RRAGC: variants seen among roughly 807,000 people sequenced by gnomAD.
The protein encoded by RRAGC is Ras related GTP binding C, also known as ras-related GTP-binding protein C.
RRAGC carries 8 observed loss-of-function variants against 37.1 expected under a neutral mutation model. That is an observed-to-expected ratio of 0.22 (90% CI 0.13 to 0.39). The LOEUF (loss-of-function observed/expected upper bound fraction) is 0.39, where lower values mean the gene tolerates loss of function less well. Among genes scored for constraint, RRAGC ranks in the 10% least tolerant of loss-of-function variants. RRAGC has a pLI of 1.00. For missense variants in RRAGC, 342 were observed against 497.6 expected (o/e 0.69, Z 2.98); for synonymous variants, 190 against 181.1 (o/e 1.05, Z -0.39).
intron 5 of RRAGC, 104 bp from the exon 6 acceptor site, chr1:38,846,191 A>G: frequency 1.1e-6 from 1 of 893,940 alleles, no homozygotes; most frequent in Middle Eastern, 2.2e-4. Flanking sequence ...TGTCTCTGGG[A>G]AAGAATACTG....
chr1:38,859,726 G>T lies in RRAGC; in HGVS notation c.-80C>A, dbSNP rs889087671. 8.0e-5 allele frequency: 91 copies of T among 1,136,114 alleles called. No homozygotes were observed. Among genetic ancestry groups the T allele is most frequent in the Admixed American group, 5.3e-4 (12 of 22,642 alleles). 70.4% of individuals were successfully genotyped at this position (1,136,114 alleles called of 1,614,324 possible). A position where few individuals can be genotyped will look rare whatever the true frequency, so the allele number is the denominator to read the frequency against. On this transcript the variant is annotated 5_prime_UTR_variant, in exon 1 of 7. Transcript: ENST00000373001. ...GCCGCCGCCTCCCCAGTCCGCCTCC[G>T]CCGCCGCCGCCACCACCGCCACCGC...
rs983372405 is a variant in RRAGC at position 38,859,710 on chromosome 1, T to G, written c.-64A>C. 5 of 1,242,456 alleles carry G rather than the reference T, an allele frequency of 4.0e-6. No individual in the cohort carries two copies. Among genetic ancestry groups the G allele is most frequent in the Non-Finnish European group, 5.1e-6 (5 of 986,926 alleles). 77.0% of individuals were successfully genotyped at this position (1,242,456 alleles called of 1,614,324 possible). Reference sequence around the variant, plus strand: ...GGCCAGGCCGAGCCAGGCCGCCGCCTCCCCAGTCCGCCTCCGCCGCCGCCG... The same window carrying G: ...GGCCAGGCCGAGCCAGGCCGCCGCCGCCCCAGTCCGCCTCCGCCGCCGCCG... On this transcript the variant is annotated 5_prime_UTR_variant, in exon 1 of 7. Transcript: ENST00000373001.
chr1:38,839,516 AG>A lies in RRAGC; in HGVS notation c.*36del, dbSNP rs1267589673. On this transcript the variant is annotated 3_prime_UTR_variant, in exon 7 of 7. Transcript: ENST00000373001. ...CGTGGCATCCGACCCTGGAGTGAAG[AG>A]TAAGCTGGCACAGAGCCCCGACGCT... is the stretch of plus-strand genomic sequence containing the variant. 1.2e-6 allele frequency: 2 copies of A among 1,611,226 alleles called. No individual in the cohort carries two copies. Among genetic ancestry groups the A allele is most frequent in the African/African-American group, 2.7e-5 (2 of 74,818 alleles).
intron 1 of RRAGC, among the ~76,000 whole-genome samples, chr1:38,858,885 C>T (rs1642199190): frequency 6.6e-6 from 1 of 152,256 alleles, no homozygotes; most frequent in African/African-American, 2.4e-5. Flanking sequence ...TGGGTGCAAT[C>T]TCACTACCCA....
At position 38,857,047 on chromosome 1, in the gene RRAGC, G is replaced by C; in HGVS notation, c.273C>G (p.Leu91=). 6.2e-7 allele frequency: 1 copy of C among 1,614,010 alleles called. No individual in the cohort carries two copies. The highest frequency in any genetic ancestry group is 8.5e-7 in the Non-Finnish European group (1 of 1,179,888). ...AAATCTTGTTGGTACTTTCCAAAAA[G>C]AGGGTCTCGTTGGGTGACATCTTAT... The part of the protein sequence containing the change: ...VFHKMSPNET[L]FLESTNKIYK... Residue 91 remains leucine, a synonymous_variant, in exon 2 of 7, where the codon CTC becomes CTG. Coordinates refer to ENST00000373001, the MANE Select transcript of RRAGC (RefSeq NM_022157.4).
rs1641970357 is a variant in RRAGC at position 38,842,065 on chromosome 1, G to A, written c.1049-2361C>T. ...AGGCAGGTGGATCACGAGGTCAGGAGATCGAGACCATCCTGGCTAACACAG... is the reference window on the plus strand; with the variant it reads ...AGGCAGGTGGATCACGAGGTCAGGAAATCGAGACCATCCTGGCTAACACAG... On this transcript the variant is annotated intron_variant, in intron 6 of 6. Coordinates refer to ENST00000373001, the MANE Select transcript of RRAGC (RefSeq NM_022157.4). Among the ~76,000 whole-genome samples the A allele has an allele frequency of 2.0e-5, 3 of 152,158 alleles. No homozygotes were observed. The South Asian group carries it at 6.2e-4, about 32-fold the overall frequency.
intron 6 of RRAGC, among the ~76,000 whole-genome samples, chr1:38,843,547 C>T (rs1174324472): frequency 6.6e-5 from 10 of 151,872 alleles, no homozygotes; most frequent in Non-Finnish European, 1.0e-4. Context: ...AGTGAAACCC[C>T]GCCTCTACTA....
chr1:38,845,725 T>TGCGC (rs1439409038), intron 6 of RRAGC, among the ~76,000 whole-genome samples: 1 of 152,068 alleles, frequency 6.6e-6, no homozygotes, highest in African/African-American at 2.4e-5. Context: ...GCAGAAAAGC[T>TGCGC]AGAATTAAAA....
chr1:38,843,164 T>A (rs925666458), intron 6 of RRAGC, among the ~76,000 whole-genome samples: 3 of 152,072 alleles, frequency 2.0e-5, no homozygotes, highest in African/African-American at 7.2e-5. Context: ...ATCCTATCTC[T>A]ACAAAATATT....
chr1:38,856,235 C>T (rs1299423561), intron 2 of RRAGC, among the ~76,000 whole-genome samples: 1 of 152,154 alleles, frequency 6.6e-6, no homozygotes, highest in African/African-American at 2.4e-5. Context: ...GCTGCTTAAA[C>T]TCTGATCTCA....
chr1:38,854,131 G>A (rs1175073750), intron 3 of RRAGC, among the ~76,000 whole-genome samples: 1 of 141,422 alleles, frequency 7.1e-6, no homozygotes, highest in Non-Finnish European at 1.5e-5. Context: ...CCAGTGGCAC[G>A]ATCTTGGCTC....
rs1925678 is a variant in RRAGC at position 38,859,391 on chromosome 1, T to C, written c.237+19A>G. On this transcript the variant is annotated intron_variant, in intron 1 of 6. Transcript: ENST00000373001. ...GAGAACCGGGGAGGGGGCGGGGGAC[T>C]GGGCGCAGCCCTGCTCACCTTCTGG... is the stretch of plus-strand genomic sequence containing the variant. The C allele has an allele frequency of 0.62, 949,802 of 1,542,466 alleles. 303,016 individuals carry two copies. Among genetic ancestry groups the C allele is most frequent in the Non-Finnish European group, 0.66 (757,925 of 1,142,730 alleles).
chr1:38,854,490 G>A (rs577946126), intron 3 of RRAGC, among the ~76,000 whole-genome samples: 2 of 152,142 alleles, frequency 1.3e-5, no homozygotes, highest in South Asian at 2.1e-4. Context: ...ACACAGACAC[G>A]GAGTAAAGAG....
rs558604865 is a variant in RRAGC, at chr1:38,858,515, T to C, written c.237+895A>G. Among the ~76,000 whole-genome samples the C allele has an allele frequency of 1.4e-4, 21 of 152,246 alleles. No homozygotes were observed. The East Asian group carries it at 3.3e-3, about 24-fold the overall frequency. On this transcript the variant is annotated intron_variant, in intron 1 of 6. Transcript: ENST00000373001. ...CAGTTCGAGATGACCCTGGCCAACA[T>C]GGTGAAACCCCGTCTCTACTAAAAA...
intron 6 of RRAGC, among the ~76,000 whole-genome samples, chr1:38,843,235 G>A (rs1318033580): frequency 6.6e-6 from 1 of 152,062 alleles, no homozygotes. Flanking sequence ...GGAGGCTGAG[G>A]TGGGAGGATC....
At chr1:38,859,309 G>A (rs1047113989) in intron 1 of RRAGC, 101 bp downstream of exon 1, 6 of 1,091,270 alleles carry the variant, frequency 5.5e-6, no homozygotes, top group Non-Finnish European at 6.5e-6. Flanking sequence ...GCGGAGGGAC[G>A]GAGCGCAGGC....
At position 38,854,434 on chromosome 1, in the gene RRAGC, G is replaced by C. The variant is rs1019703845; in HGVS notation, c.641+1274C>G. ...GGTCTAGGACCCTACATGGTACTGA[G>C]GAAAGGGATGGCATGTACCACTAGG... On this transcript the variant is annotated intron_variant, in intron 3 of 6. Coordinates refer to ENST00000373001, the MANE Select transcript of RRAGC (RefSeq NM_022157.4). Among the ~76,000 whole-genome samples the C allele has an allele frequency of 3.3e-5, 5 of 152,270 alleles. No individual in the cohort carries two copies. The East Asian group carries it at 9.6e-4, about 29-fold the overall frequency.
In RRAGC at chr1:38,855,825, A is replaced by G. The variant is rs1378558012; in HGVS notation, c.524T>C (p.Val175Ala). ...YKVNPDMNFE[V>A]FIHKVDGLSD... Reference sequence around the variant, plus strand: ...CAGACCATCAACTTTGTGAATAAAAACCTCAAAATTCATGTCTGGGTTAAC... The same window carrying G: ...CAGACCATCAACTTTGTGAATAAAAGCCTCAAAATTCATGTCTGGGTTAAC... The change falls in exon 3 of 7, where the codon GTT becomes GCT. Residue 175 changes from valine (V) to alanine (A), a missense_variant. Val to Ala is a moderately conservative substitution (Grantham distance 64, BLOSUM62 0). This residue lies in a region of RRAGC where 134 missense variants were observed against 277.2 expected (regional missense o/e 0.48). Transcript: ENST00000373001. 1.2e-6 allele frequency: 2 copies of G among 1,613,856 alleles called. No homozygotes were observed. The highest frequency in any genetic ancestry group is 3.3e-5 in the Admixed American group (2 of 59,992).
At chr1:38,849,023 C>T (rs577552647) in intron 5 of RRAGC, among the ~76,000 whole-genome samples, 24 of 151,818 alleles carry the variant, frequency 1.6e-4, no homozygotes, top group African/African-American at 5.8e-4. Flanking sequence ...AGGAGCATCA[C>T]TTGAGCCTGG....
Sources: allele counts gnomAD v4.1 joint callset (sites outside exome capture counted in the v4.1 genomes callset), GRCh38; gene constraint gnomAD v4.1.1; regional missense constraint gnomAD v4.1.1; transcripts MANE v1.5; gene names NCBI Gene and HGNC (gene_info 2026-07-23, HGNC 2026-07-21).